The following YWHAE variants were observed in gnomAD, a reference collection of about 807,000 sequenced individuals.
The protein encoded by YWHAE is 14-3-3 protein epsilon.
In YWHAE, 4 loss-of-function variants were observed where a neutral mutation model predicts 30.1. The ratio of observed to expected loss-of-function variants is 0.13; its 90% CI spans 0.07 to 0.30. The LOEUF (loss-of-function observed/expected upper bound fraction) is 0.30. YWHAE is among the 10% of genes least tolerant of loss of function. YWHAE has a pLI of 1.00. For synonymous variants in YWHAE, 118 were observed against 111.8 expected (o/e 1.06, Z -0.35); for missense variants, 121 against 315.9 (o/e 0.38, Z 4.68).
chr17:1,394,460 A>AAAAAAAAAAAAAAAAAAAAAAAAAAAAC (rs1555647412), intron 1 of YWHAE, among the ~76,000 whole-genome samples: 5 of 137,544 alleles, frequency 3.6e-5, no homozygotes, highest in African/African-American at 1.1e-4. Flanking sequence ...AAAAAAAAAA[A>AAAAAAAAAAAAAAAAAAAAAAAAAAAAC]ACACAAAAAT....
chr17:1,364,502 AG>A (rs2072914273), intron 2 of YWHAE, among the ~76,000 whole-genome samples: 1 of 152,174 alleles, frequency 6.6e-6, no homozygotes, highest in South Asian at 2.1e-4. Context: ...CTGGGATTAC[AG>A]GCCTGAGCCA....
rs1372809283 is a variant in YWHAE, at chr17:1,346,762, G to A, written c.716-1263C>T. Among the ~76,000 whole-genome samples, 6 of 152,138 alleles carry A rather than the reference G, an allele frequency of 3.9e-5. No homozygotes were observed. The South Asian group carries it at 6.2e-4, about 16-fold the overall frequency. On this transcript the variant is annotated intron_variant, in intron 5 of 5. Coordinates refer to ENST00000264335, the MANE Select transcript of YWHAE (RefSeq NM_006761.5). ...AGCACTTTGGGAAGCAAAGGCGGGC[G>A]GATCACGAGGTCAGAAGATCAAGAC...
At chr17:1,387,812 C>T (rs908758802) in intron 1 of YWHAE, among the ~76,000 whole-genome samples, 1 of 151,428 alleles carries the variant, frequency 6.6e-6, no homozygotes, top group African/African-American at 2.4e-5. Context: ...TTAGTAGAGA[C>T]GGGGGGTCTC....
At chr17:1,359,416 G>A (rs1022576570) in intron 4 of YWHAE, among the ~76,000 whole-genome samples, 1 of 152,150 alleles carries the variant, frequency 6.6e-6, no homozygotes, top group African/African-American at 2.4e-5. Flanking sequence ...TAGCAGCATT[G>A]TACTCACCAT....
chr17:1,397,039 A>G lies in YWHAE; in HGVS notation c.64+3008T>C, dbSNP rs1410547583. On this transcript the variant is annotated intron_variant, in intron 1 of 5. Coordinates refer to ENST00000264335, the MANE Select transcript of YWHAE (RefSeq NM_006761.5). ...CGGGTTCAAGTGATTCTTCCACCTC[A>G]ACCTCCTCAGTAGCTATGCCCGGAT... Among the ~76,000 whole-genome samples the G allele has an allele frequency of 2.0e-5, 3 of 151,334 alleles. No individual in the cohort carries two copies. The East Asian group carries it at 5.8e-4, about 29-fold the overall frequency.
chr17:1,392,642 G>C (rs1316220440), intron 1 of YWHAE, among the ~76,000 whole-genome samples: 1 of 152,000 alleles, frequency 6.6e-6, no homozygotes, highest in Non-Finnish European at 1.5e-5. Flanking sequence ...CTGAGGTCAG[G>C]AGTTGAAGAC....
At chr17:1,345,791 A>C (rs758467798) in intron 5 of YWHAE, among the ~76,000 whole-genome samples, 4 of 152,224 alleles carry the variant, frequency 2.6e-5, no homozygotes, top group Non-Finnish European at 4.4e-5. Context: ...AAACCATCTT[A>C]CTAAAATGAC....
intron 2 of YWHAE, among the ~76,000 whole-genome samples, chr17:1,363,188 G>A (rs1297294922): frequency 1.3e-5 from 2 of 152,144 alleles, no homozygotes; most frequent in African/African-American, 4.8e-5. Context: ...TTGGCCCGTG[G>A]CTTCCTTTTT....
intron 1 of YWHAE, among the ~76,000 whole-genome samples, chr17:1,367,916 C>A (rs2072969897): frequency 6.6e-6 from 1 of 152,102 alleles, no homozygotes; most frequent in African/African-American, 2.4e-5. Flanking sequence ...TTTAACTGTA[C>A]ACCTCAAGCT....
At chr17:1,358,602 G>C (rs2072800530) in intron 4 of YWHAE, among the ~76,000 whole-genome samples, 1 of 151,812 alleles carries the variant, frequency 6.6e-6, no homozygotes, top group Non-Finnish European at 1.5e-5. Context: ...CACTTTGGGA[G>C]GGAGGCTGAG....
intron 1 of YWHAE, among the ~76,000 whole-genome samples, chr17:1,389,114 T>C (rs895371233): frequency 1.3e-5 from 2 of 151,950 alleles, no homozygotes; most frequent in African/African-American, 4.8e-5. Flanking sequence ...TACAGACACA[T>C]GCCACTAGGT....
chr17:1,380,658 G>C (rs1007843563), intron 1 of YWHAE, among the ~76,000 whole-genome samples: 2 of 152,190 alleles, frequency 1.3e-5, no homozygotes, highest in Admixed American at 6.5e-5. Context: ...GGGTGTTAAT[G>C]TGCCTGATGT....
At chr17:1,363,725 G>A (rs1003727311) in intron 2 of YWHAE, among the ~76,000 whole-genome samples, 1 of 152,144 alleles carries the variant, frequency 6.6e-6, no homozygotes, top group South Asian at 2.1e-4. Flanking sequence ...TCTCTACTCA[G>A]GACAGTGCCC....
chr17:1,399,742 T>TCCCCCC (rs1555648430), intron 1 of YWHAE: 3 of 307,862 alleles, frequency 9.7e-6, no homozygotes, highest in Non-Finnish European at 1.9e-5. Flanking sequence ...CGCCATCTCC[T>TCCCCCC]CCCCCTCCCC....
intron 5 of YWHAE, among the ~76,000 whole-genome samples, chr17:1,351,832 C>T (rs915804905): frequency 1.3e-5 from 2 of 152,064 alleles, no homozygotes; most frequent in Non-Finnish European, 2.9e-5. Flanking sequence ...GCCACCCAGG[C>T]TAGAGTGCAG....
At chr17:1,352,563 A>T (rs2072653141) in intron 5 of YWHAE, among the ~76,000 whole-genome samples, 1 of 150,594 alleles carries the variant, frequency 6.6e-6, no homozygotes, top group Admixed American at 6.6e-5. Flanking sequence ...CTTCCTCTGT[A>T]GCCCAGGTTG....
chr17:1,381,216 A>G (rs190095954), intron 1 of YWHAE, among the ~76,000 whole-genome samples: 1 of 152,214 alleles, frequency 6.6e-6, no homozygotes, highest in Admixed American at 6.5e-5. Flanking sequence ...CACCTCCACT[A>G]AAAATACAAA....
In YWHAE at chr17:1,388,121, T is replaced by G. The variant is rs1339825708; in HGVS notation, c.64+11926A>C. ...TTTTTGTTTTTTTTTTTGGTTGGTT[T>G]TTTTTTTTTTTTTTTTTTTTTAGTA... On this transcript the variant is annotated intron_variant, in intron 1 of 5. Transcript: ENST00000264335. Among the ~76,000 whole-genome samples the G allele has an allele frequency of 4.2e-4, 24 of 57,508 alleles. 1 individual carries two copies. The highest frequency in any genetic ancestry group is 2.1e-3 in the South Asian group (3 of 1,410). The allele number at this position is 57,508 out of a possible 152,430, so 37.7% of individuals were successfully genotyped here. A position where few individuals can be genotyped will look rare whatever the true frequency, so the allele number is the denominator to read the frequency against.
chr17:1,364,823 T>C (rs1485373595), intron 2 of YWHAE, 36 bp downstream of exon 2: 12 of 1,613,430 alleles, frequency 7.4e-6, no homozygotes, highest in South Asian at 5.5e-5. Context: ...TAACTCAAAC[T>C]GTGGATAAGG....
Sources: allele counts gnomAD v4.1 joint callset (sites outside exome capture counted in the v4.1 genomes callset), GRCh38; gene constraint gnomAD v4.1.1; transcripts MANE v1.5; gene names NCBI Gene and HGNC (gene_info 2026-07-23, HGNC 2026-07-21).